TAFA5: variants seen among roughly 807,000 people sequenced by gnomAD.
TAFA5 encodes the protein chemokine-like protein TAFA-5.
In TAFA5, 6 loss-of-function variants were observed where a neutral mutation model predicts 15.3. The ratio of observed to expected loss-of-function variants is 0.39; its 90% CI spans 0.21 to 0.77. The LOEUF is 0.77. Among genes scored for constraint, TAFA5 ranks in the 30% least tolerant of loss-of-function variants. TAFA5 has a pLI of 0.41. For missense variants in TAFA5, 161 were observed against 193.1 expected, an observed-to-expected ratio of 0.83 and a Z score of 0.98; for synonymous variants, 103 against 80.7, an observed-to-expected ratio of 1.28 and a Z score of -1.48.
chr22:48,702,007 G>T (rs1263102777), intron 2 of TAFA5, among the ~76,000 whole-genome samples: 1 of 152,190 alleles, frequency 6.6e-6, no homozygotes, highest in Non-Finnish European at 1.5e-5. Context: ...GACCTGGGGT[G>T]GTGGAAGGAG....
chr22:48,585,789 C>T (rs1924334682), intron 1 of TAFA5, among the ~76,000 whole-genome samples: 1 of 152,060 alleles, frequency 6.6e-6, no homozygotes, highest in African/African-American at 2.4e-5. Context: ...ACCACACATA[C>T]CCTGTGAAGG....
intron 3 of TAFA5, among the ~76,000 whole-genome samples, chr22:48,720,853 A>C (rs1162719613): frequency 6.6e-6 from 1 of 152,128 alleles, no homozygotes; most frequent in Non-Finnish European, 1.5e-5. Context: ...CAGACCACGG[A>C]ATGCCCTGGA....
chr22:48,606,888 G>A (rs1442357567), intron 1 of TAFA5, among the ~76,000 whole-genome samples: 1 of 152,232 alleles, frequency 6.6e-6, no homozygotes, highest in Non-Finnish European at 1.5e-5. Context: ...CTGGTGCCAG[G>A]CCTGCTTCAC....
At chr22:48,663,926 G>A (rs56349887) in intron 2 of TAFA5, among the ~76,000 whole-genome samples, 11,235 of 152,246 alleles carry the variant, frequency 0.074, 1,394 homozygotes, top group African/African-American at 0.26. Context: ...GAAAGAAGCC[G>A]TGAAGTGCTT....
Position 48,751,168 on chromosome 22 carries a change from A to G in TAFA5, c.*1321A>G, listed in dbSNP as rs906306526. On this transcript the variant is annotated 3_prime_UTR_variant, in exon 4 of 4. Transcript: ENST00000402357. Reference sequence around the variant, plus strand: ...CACTTGAGCGTACAATATCTTGAACATGCTTCTTCCAATGGGTTTTGTTTC... The same window carrying G: ...CACTTGAGCGTACAATATCTTGAACGTGCTTCTTCCAATGGGTTTTGTTTC... 6.6e-6 allele frequency: 1 copy of G among 152,348 alleles called. No individual in the cohort carries two copies. The highest frequency in any genetic ancestry group is 1.5e-5 in the Non-Finnish European group (1 of 68,076). The allele number at this position is 152,348 out of a possible 1,614,324, so 9.4% of individuals were successfully genotyped here.
intron 1 of TAFA5, among the ~76,000 whole-genome samples, chr22:48,511,680 C>T (rs1009065965): frequency 2.0e-5 from 3 of 152,246 alleles, no homozygotes; most frequent in Non-Finnish European, 2.9e-5. Flanking sequence ...TCTCCATTCT[C>T]AAGGTTGTCA....
rs57578802 is a variant in TAFA5, at chr22:48,571,574, G to GTTTTT, written c.113-74995_113-74991dup. Among the ~76,000 whole-genome samples, 105 of 29,236 alleles carry GTTTTT rather than the reference G, an allele frequency of 3.6e-3. 25 individuals carry two copies. Among genetic ancestry groups the GTTTTT allele is most frequent in the Non-Finnish European group, 4.6e-3 (70 of 15,104 alleles). 19.2% of individuals were successfully genotyped at this position (29,236 alleles called of 152,430 possible). Reference sequence around the variant, plus strand: ...AGGCATGAGCCACTGTGCCTGGCCTGTTTTTTTTTTTTTTTTTTTTTTTTT... The same window carrying GTTTTT: ...AGGCATGAGCCACTGTGCCTGGCCTGTTTTTTTTTTTTTTTTTTTTTTTTTTTTTT... On this transcript the variant is annotated intron_variant, in intron 1 of 3. Transcript: ENST00000402357.
intron 1 of TAFA5, among the ~76,000 whole-genome samples, chr22:48,551,740 G>A (rs549453835): frequency 6.6e-6 from 1 of 151,680 alleles, no homozygotes; most frequent in Admixed American, 6.5e-5. Flanking sequence ...GGGGGCTAAG[G>A]AAACTCTGTG....
At chr22:48,523,553 A>G (rs1921679826) in intron 1 of TAFA5, among the ~76,000 whole-genome samples, 1 of 152,164 alleles carries the variant, frequency 6.6e-6, no homozygotes, top group East Asian at 1.9e-4. Context: ...CTTCACCCAC[A>G]CGGGGCTTGG....
intron 1 of TAFA5, 72 bp from the exon 2 acceptor site, chr22:48,646,525 G>A (rs1003113502): frequency 1.9e-6 from 3 of 1,558,736 alleles, no homozygotes; most frequent in South Asian, 1.2e-5. Context: ...CTGTGGGTGG[G>A]CTCTGGGTGG....
chr22:48,624,274 G>A (rs558467534), intron 1 of TAFA5, among the ~76,000 whole-genome samples: 1 of 152,316 alleles, frequency 6.6e-6, no homozygotes, highest in East Asian at 1.9e-4. Flanking sequence ...GGCATCCACT[G>A]TCATGAGTGT....
intron 1 of TAFA5, among the ~76,000 whole-genome samples, chr22:48,614,937 G>C (rs1185479548): frequency 6.6e-6 from 1 of 152,192 alleles, no homozygotes; most frequent in Non-Finnish European, 1.5e-5. Flanking sequence ...AGTCACCGGG[G>C]CCAGAAGCCA....
intron 1 of TAFA5, among the ~76,000 whole-genome samples, chr22:48,536,441 C>G (rs1225167832): frequency 6.6e-6 from 1 of 152,206 alleles, no homozygotes; most frequent in Non-Finnish European, 1.5e-5. Context: ...GCACCGGGAG[C>G]CGGCGCGGGT....
chr22:48,584,367 A>T (rs1345972237), intron 1 of TAFA5, among the ~76,000 whole-genome samples: 1 of 150,784 alleles, frequency 6.6e-6, no homozygotes, highest in Non-Finnish European at 1.5e-5. Flanking sequence ...TGCACCACAC[A>T]CAGTACACAC....
intron 2 of TAFA5, among the ~76,000 whole-genome samples, chr22:48,696,519 T>C (rs572084321): frequency 6.6e-6 from 1 of 152,336 alleles, no homozygotes; most frequent in East Asian, 1.9e-4. Context: ...GCACTTCCTC[T>C]TTGACCTGCA....
At chr22:48,600,311 G>C (rs760360575) in intron 1 of TAFA5, among the ~76,000 whole-genome samples, 1 of 152,220 alleles carries the variant, frequency 6.6e-6, no homozygotes, top group African/African-American at 2.4e-5. Flanking sequence ...GGAGGTCTGC[G>C]TGAGGGATGC....
chr22:48,680,991 G>A (rs930092043), intron 2 of TAFA5, among the ~76,000 whole-genome samples: 4 of 152,226 alleles, frequency 2.6e-5, no homozygotes, highest in African/African-American at 4.8e-5. Context: ...GCTCAGGCTC[G>A]CTGGAAACCT....
chr22:48,690,758 C>T (rs58739759), intron 2 of TAFA5, among the ~76,000 whole-genome samples: 49,016 of 152,070 alleles, frequency 0.32, 8,092 homozygotes, highest in Non-Finnish European at 0.36. Context: ...CTGAGGCACA[C>T]GGAAAGTACA....
intron 3 of TAFA5, among the ~76,000 whole-genome samples, chr22:48,708,339 C>T (rs1474123193): frequency 6.6e-6 from 1 of 152,202 alleles, no homozygotes; most frequent in Non-Finnish European, 1.5e-5. Context: ...ACACCAGAGA[C>T]CCGGAGGGCC....
Sources: gnomAD v4.1 joint callset for allele counts (sites outside exome capture counted in the v4.1 genomes callset) on GRCh38, gnomAD v4.1.1 for gene constraint, MANE v1.5 for transcripts, NCBI Gene and HGNC (gene_info 2026-07-23, HGNC 2026-07-21) for gene names.